The following KCNH5 variants were observed in gnomAD, a reference collection of about 807,000 sequenced individuals.
The protein encoded by KCNH5 is potassium voltage-gated channel subfamily H member 5, also known as voltage-gated delayed rectifier potassium channel KCNH5.
Under a neutral mutation model 96.1 loss-of-function variants are expected in KCNH5, and 46 were observed. The observed-to-expected ratio is 0.48, with a 90% CI of 0.38 to 0.61. KCNH5 has a LOEUF of 0.61. Ranked by LOEUF, KCNH5 falls within the 20% of genes least tolerant of loss-of-function variation. KCNH5 has a pLI of 0.00. For missense variants in KCNH5, 907 were observed against 1,225.8 expected (o/e 0.74, Z 3.88); for synonymous variants, 439 against 449.8 (o/e 0.98, Z 0.30).
At chr14:62,718,843 G>A (rs1884743844) in intron 10 of KCNH5, among the ~76,000 whole-genome samples, 1 of 152,136 alleles carries the variant, frequency 6.6e-6, no homozygotes, top group Non-Finnish European at 1.5e-5. Context: ...AAAATGTAGT[G>A]TATCCATACA....
At chr14:62,785,187 G>T (rs1886295997) in intron 9 of KCNH5, among the ~76,000 whole-genome samples, 1 of 152,072 alleles carries the variant, frequency 6.6e-6, no homozygotes, top group African/African-American at 2.4e-5. Context: ...CCGTGTTTCT[G>T]GGACTATGGT....
intron 7 of KCNH5, among the ~76,000 whole-genome samples, chr14:62,916,863 A>C (rs1889285481): frequency 6.6e-6 from 1 of 152,230 alleles, no homozygotes; most frequent in South Asian, 2.1e-4. Flanking sequence ...TCAACTGTTA[A>C]GGAAAGAGGT....
chr14:62,961,859 C>CAGATGG (rs1435643588), intron 6 of KCNH5, among the ~76,000 whole-genome samples: 2 of 143,238 alleles, frequency 1.4e-5, no homozygotes, highest in Admixed American at 7.0e-5. Context: ...GATGGAGATG[C>CAGATGG]AGATGCAGAT....
At chr14:62,793,286 G>T (rs11626516) in intron 9 of KCNH5, among the ~76,000 whole-genome samples, 42,805 of 151,612 alleles carry the variant, frequency 0.28, 7,500 homozygotes, top group South Asian at 0.53. Flanking sequence ...TAAGAGGGTA[G>T]ATCTCATATT....
chr14:62,932,494 A>G (rs1023281241), intron 7 of KCNH5, among the ~76,000 whole-genome samples: 3 of 151,330 alleles, frequency 2.0e-5, no homozygotes, highest in African/African-American at 2.4e-5. Flanking sequence ...AAAAAAAACT[A>G]AAAAACCAAT....
intron 1 of KCNH5, among the ~76,000 whole-genome samples, chr14:63,029,523 CG>C (rs943311772): frequency 4.6e-4 from 70 of 151,558 alleles, no homozygotes; most frequent in Non-Finnish European, 8.0e-4. Flanking sequence ...GTGTTTGTGG[CG>C]GGGGGGATGT....
intron 10 of KCNH5, among the ~76,000 whole-genome samples, chr14:62,747,100 G>A (rs192074258): frequency 4.6e-5 from 7 of 152,314 alleles, no homozygotes; most frequent in African/African-American, 1.7e-4. Context: ...TCGGGAACCC[G>A]AGGCGGGTGG....
intron 7 of KCNH5, among the ~76,000 whole-genome samples, chr14:62,926,784 A>G (rs1273251035): frequency 6.6e-6 from 1 of 152,078 alleles, no homozygotes; most frequent in Non-Finnish European, 1.5e-5. Flanking sequence ...AAGGCCCTGT[A>G]TCTCATACAG....
At chr14:63,042,270 C>G (rs1010620598) in intron 1 of KCNH5, among the ~76,000 whole-genome samples, 1 of 151,976 alleles carries the variant, frequency 6.6e-6, no homozygotes, top group African/African-American at 2.4e-5. Flanking sequence ...GTGGTGGACA[C>G]ACTTTACAGA....
At chr14:62,717,343 AAG>A (rs1241917499) in intron 10 of KCNH5, among the ~76,000 whole-genome samples, 1 of 152,210 alleles carries the variant, frequency 6.6e-6, no homozygotes. Context: ...ATATTGGAAA[AAG>A]AGAACAAAGT....
At chr14:62,934,220 G>A (rs758057820) in intron 7 of KCNH5, among the ~76,000 whole-genome samples, 5 of 150,878 alleles carry the variant, frequency 3.3e-5, no homozygotes, top group African/African-American at 7.3e-5. Context: ...TCCGCCTCCC[G>A]GGTTCAAGCA....
intron 9 of KCNH5, among the ~76,000 whole-genome samples, chr14:62,787,802 T>A (rs1886348890): frequency 6.6e-6 from 1 of 152,214 alleles, no homozygotes; most frequent in South Asian, 2.1e-4. Flanking sequence ...ACAGTGCATC[T>A]GTTTATAGCA....
chr14:62,973,559 C>A (rs1204204714), intron 6 of KCNH5, among the ~76,000 whole-genome samples: 1 of 152,108 alleles, frequency 6.6e-6, no homozygotes, highest in African/African-American at 2.4e-5. Flanking sequence ...GTGAGGACAG[C>A]CCCCACAGGA....
intron 6 of KCNH5, among the ~76,000 whole-genome samples, chr14:62,973,968 T>A (rs1343322906): frequency 1.3e-5 from 2 of 152,196 alleles, no homozygotes; most frequent in African/African-American, 4.8e-5. Flanking sequence ...GTTCTTGTTT[T>A]AATGACTAGA....
At chr14:62,761,345 A>C (rs1450568034) in intron 10 of KCNH5, among the ~76,000 whole-genome samples, 1 of 139,356 alleles carries the variant, frequency 7.2e-6, no homozygotes, top group Non-Finnish European at 1.5e-5. Context: ...ACAGAATGAG[A>C]CTCACTCTCT....
chr14:62,845,741 A>G (rs185644416), intron 8 of KCNH5, among the ~76,000 whole-genome samples: 1 of 123,770 alleles, frequency 8.1e-6, no homozygotes, highest in African/African-American at 2.7e-5. Context: ...TTTCAATGGG[A>G]AAAAAATGTG....
chr14:62,751,670 C>T (rs531475793), intron 10 of KCNH5, among the ~76,000 whole-genome samples: 2 of 152,358 alleles, frequency 1.3e-5, no homozygotes, highest in Non-Finnish European at 2.9e-5. Flanking sequence ...CTTGTTCAGG[C>T]CAAGAGCCAG....
chr14:62,750,112 C>T lies in KCNH5; in HGVS notation c.2019+29616G>A, dbSNP rs535576375. Among the ~76,000 whole-genome samples, 9 of 152,294 alleles carry T rather than the reference C, an allele frequency of 5.9e-5. No individual in the cohort carries two copies. The South Asian group carries it at 1.7e-3, about 28-fold the overall frequency. On this transcript the variant is annotated intron_variant, in intron 10 of 10. Coordinates refer to ENST00000322893, the MANE Select transcript of KCNH5 (RefSeq NM_139318.5). ...TGGGTATAGTCTGTTTGCCAATCTT[C>T]ACCAGGGTATGCTCCCCTGTGCTGA...
At chr14:62,747,654 A>G (rs1885407478) in intron 10 of KCNH5, among the ~76,000 whole-genome samples, 1 of 152,240 alleles carries the variant, frequency 6.6e-6, no homozygotes, top group African/African-American at 2.4e-5. Context: ...GCAGCAAAAC[A>G]GTACAGAAGT....
Sources: gnomAD v4.1 joint callset for allele counts (sites outside exome capture counted in the v4.1 genomes callset) on GRCh38, gnomAD v4.1.1 for gene constraint, MANE v1.5 for transcripts, NCBI Gene and HGNC (gene_info 2026-07-23, HGNC 2026-07-21) for gene names.